Variants in LRBA observed in about 807,000 individuals in gnomAD.
LRBA encodes the protein LPS responsive beige-like anchor protein.
LRBA carries 176 observed loss-of-function variants against 330.0 expected under a neutral mutation model. The observed-to-expected ratio is 0.53, with a 90% CI of 0.47 to 0.60. The LOEUF (loss-of-function observed/expected upper bound fraction) is 0.60. Ranked by LOEUF, LRBA falls within the 20% of genes least tolerant of loss-of-function variation. The probability of loss-of-function intolerance (pLI) is 0.00; values close to 1 mark genes in which losing one functional copy is unlikely to be tolerated. For missense variants in LRBA, 3,259 were observed against 3,444.8 expected (o/e 0.95, Z 1.35); for synonymous variants, 1,230 against 1,193.0 (o/e 1.03, Z -0.64).
intron 53 of LRBA, among the ~76,000 whole-genome samples, chr4:150,290,710 G>C (rs931643551): frequency 6.6e-6 from 1 of 152,232 alleles, no homozygotes; most frequent in African/African-American, 2.4e-5. Flanking sequence ...AGGCTGAAAA[G>C]GATACCCAGT....
intron 37 of LRBA, among the ~76,000 whole-genome samples, chr4:150,600,965 A>G (rs967631546): frequency 6.6e-6 from 1 of 152,186 alleles, no homozygotes; most frequent in Non-Finnish European, 1.5e-5. Context: ...CGTGAATCAC[A>G]GGCTGCTCCT....
chr4:150,900,206 C>T lies in LRBA; in HGVS notation c.1767G>A (p.Met589Ile), dbSNP rs769648487. ...WIHTPAKVQLMLYTYLSTEFI... is the reference protein window; with the variant it reads ...WIHTPAKVQLILYTYLSTEFI... ...ATTCCGTGGACAGATAAGTATAGAG[C>T]ATCAGTTGAACCTACAGAATAAAAA... Residue 589 changes from methionine (M) to isoleucine (I), a missense_variant, in exon 14 of 57, where the codon ATG (methionine) becomes ATA (isoleucine). Transcript: ENST00000651943. 1.9e-6 allele frequency: 3 copies of T among 1,607,884 alleles called. No individual in the cohort carries two copies. Among genetic ancestry groups the T allele is most frequent in the East Asian group, 2.2e-5 (1 of 44,754 alleles).
chr4:150,277,871 G>A lies in LRBA; in HGVS notation c.8450C>T (p.Ala2817Val), dbSNP rs142943481. Reference sequence around the variant, plus strand: ...GTGTTACCTCTGGTCGTAAGACAGCGCCATGGCCCGGATTCCAGCGTCACA... The same window carrying A: ...GTGTTACCTCTGGTCGTAAGACAGCACCATGGCCCGGATTCCAGCGTCACA... ...PGCDAGIRAMALSYDQRCIIS... is the reference protein window; with the variant it reads ...PGCDAGIRAMVLSYDQRCIIS... The change falls in exon 56 of 57, where the codon GCG becomes GTG. Residue 2817 changes from alanine (A) to valine (V), a missense_variant. By Grantham distance (64) the Ala-to-Val change is moderately conservative (BLOSUM62 0). Coordinates refer to ENST00000651943, the MANE Select transcript of LRBA (RefSeq NM_001364905.1). 39 of 1,613,920 alleles carry A rather than the reference G, an allele frequency of 2.4e-5. No homozygotes were observed. Among genetic ancestry groups the A allele is most frequent in the South Asian group, 6.6e-5 (6 of 91,080 alleles).
intron 30 of LRBA, among the ~76,000 whole-genome samples, chr4:150,821,684 G>A (rs980208492): frequency 1.1e-4 from 16 of 152,122 alleles, no homozygotes; most frequent in African/African-American, 3.4e-4. Context: ...AAGGAAAAAA[G>A]AGCATTTCAG....
At chr4:150,285,591 T>C (rs536378488) in intron 54 of LRBA, among the ~76,000 whole-genome samples, 66 of 152,266 alleles carry the variant, frequency 4.3e-4, no homozygotes, top group Non-Finnish European at 8.2e-4. Context: ...CAGGGGAATA[T>C]GAATATTAAC....
At position 150,415,419 on chromosome 4, in the gene LRBA, T is replaced by C. The variant is rs1747593573; in HGVS notation, c.7194+19A>G. 1.2e-6 allele frequency: 2 copies of C among 1,610,006 alleles called. No individual in the cohort carries two copies. Among genetic ancestry groups the C allele is most frequent in the East Asian group, 2.2e-5 (1 of 44,802 alleles). On this transcript the variant is annotated intron_variant, in intron 47 of 56. Transcript: ENST00000651943. ...GAGCAAAAGCTCATGACAGACAGAGTAGATGATTATTATCTTACCAATCTG... is the reference window on the plus strand; with the variant it reads ...GAGCAAAAGCTCATGACAGACAGAGCAGATGATTATTATCTTACCAATCTG...
At chr4:150,853,482 C>G (rs1305971314) in intron 22 of LRBA, among the ~76,000 whole-genome samples, 1 of 152,212 alleles carries the variant, frequency 6.6e-6, no homozygotes, top group Non-Finnish European at 1.5e-5. Flanking sequence ...GAAAAAAGAT[C>G]CAGCCCTTCC....
intron 40 of LRBA, among the ~76,000 whole-genome samples, chr4:150,562,206 A>G (rs996883092): frequency 3.3e-5 from 5 of 152,140 alleles, no homozygotes; most frequent in African/African-American, 1.2e-4. Flanking sequence ...CTACAAATCT[A>G]CCAATCAACA....
At chr4:150,369,958 C>CACGT (rs1319100884) in intron 47 of LRBA, among the ~76,000 whole-genome samples, 2 of 152,140 alleles carry the variant, frequency 1.3e-5, no homozygotes, top group African/African-American at 2.4e-5. Flanking sequence ...CAGCCTTGTA[C>CACGT]ACGTGCCTTA....
At chr4:151,002,992 C>A (rs1312727903) in intron 2 of LRBA, among the ~76,000 whole-genome samples, 1 of 150,650 alleles carries the variant, frequency 6.6e-6, no homozygotes, top group Non-Finnish European at 1.5e-5. Flanking sequence ...CCAGCCTGGG[C>A]AATAGAGCAA....
chr4:150,860,553 C>T (rs761723828), intron 22 of LRBA, among the ~76,000 whole-genome samples: 8 of 152,104 alleles, frequency 5.3e-5, no homozygotes, highest in Non-Finnish European at 8.8e-5. Context: ...ATAGGCCGGG[C>T]GCGGTGGTTC....
Position 150,914,280 on chromosome 4 carries a change from C to T in LRBA, c.1076G>A (p.Gly359Asp). 1 of 1,607,416 alleles carries T rather than the reference C, an allele frequency of 6.2e-7. No homozygotes were observed. The highest frequency in any genetic ancestry group is 2.2e-5 in the East Asian group (1 of 44,784). The change falls in exon 9 of 57, where the codon GGT becomes GAT. Residue 359 changes from glycine (G) to aspartate (D), a missense_variant. Transcript: ENST00000651943. Reference sequence around the variant, plus strand: ...GAAAAGGTAAACTGCAGTCATCTGACCACAGAATACTCTATTAGCATCTGC... The same window carrying T: ...GAAAAGGTAAACTGCAGTCATCTGATCACAGAATACTCTATTAGCATCTGC... ...ETADANRVFC[G>D]QMTAVYLFSE...
intron 42 of LRBA, among the ~76,000 whole-genome samples, chr4:150,485,994 G>C (rs1218440224): frequency 6.6e-6 from 1 of 151,836 alleles, no homozygotes; most frequent in African/African-American, 2.4e-5. Context: ...AGACAAGTAA[G>C]TTCTGGGAAT....
At chr4:150,877,080 C>T (rs978796655) in intron 17 of LRBA, among the ~76,000 whole-genome samples, 6 of 151,708 alleles carry the variant, frequency 4.0e-5, no homozygotes, top group Admixed American at 2.0e-4. Context: ...AGTGAAACCC[C>T]GTCTTTACTA....
At chr4:150,399,035 A>T (rs1745128104) in intron 47 of LRBA, among the ~76,000 whole-genome samples, 2 of 152,192 alleles carry the variant, frequency 1.3e-5, no homozygotes, top group African/African-American at 4.8e-5. Context: ...TGGTTGCAGA[A>T]TTCTTGCAAT....
At chr4:150,347,402 T>C (rs573682556) in intron 48 of LRBA, among the ~76,000 whole-genome samples, 1 of 152,216 alleles carries the variant, frequency 6.6e-6, no homozygotes, top group African/African-American at 2.4e-5. Flanking sequence ...TCCCAGCACT[T>C]TGGGAGGCCA....
intron 47 of LRBA, among the ~76,000 whole-genome samples, chr4:150,402,921 T>C (rs1038963372): frequency 3.9e-5 from 6 of 152,140 alleles, no homozygotes; most frequent in African/African-American, 1.4e-4. Flanking sequence ...TTCTTTTTTT[T>C]TGGAGGTGGG....
At chr4:150,896,503 G>T (rs752511519) in intron 15 of LRBA, 47 bp from the exon 16 acceptor site, 2 of 984,300 alleles carry the variant, frequency 2.0e-6, no homozygotes, top group Non-Finnish European at 3.1e-6. Flanking sequence ...GTAAAAAAAT[G>T]TTTAAAGAGA....
At chr4:150,869,419 C>T (rs1017695519) in intron 20 of LRBA, among the ~76,000 whole-genome samples, 5 of 152,016 alleles carry the variant, frequency 3.3e-5, no homozygotes, top group Admixed American at 6.6e-5. Flanking sequence ...CCAGGCACAG[C>T]GGCTCATGCC....
Sources: gnomAD v4.1 joint callset for allele counts (sites outside exome capture counted in the v4.1 genomes callset) on GRCh38, gnomAD v4.1.1 for gene constraint, MANE v1.5 for transcripts, NCBI Gene and HGNC (gene_info 2026-07-23, HGNC 2026-07-21) for gene names.